SFPQ: variants seen among roughly 807,000 people sequenced by gnomAD.
SFPQ encodes the protein splicing factor proline and glutamine rich.
Under a neutral mutation model 72.9 loss-of-function variants are expected in SFPQ, and 11 were observed. The ratio of observed to expected loss-of-function variants is 0.15; its 90% confidence interval spans 0.09 to 0.25. The LOEUF (loss-of-function observed/expected upper bound fraction) is 0.25, where lower values mean the gene tolerates loss of function less well. Ranked by LOEUF, SFPQ falls within the 10% of genes least tolerant of loss-of-function variation. The pLI is 1.00. For missense variants in SFPQ, 847 were observed against 993.3 expected, an observed-to-expected ratio of 0.85 and a Z score of 1.98; for synonymous variants, 506 against 367.3, an observed-to-expected ratio of 1.38 and a Z score of -4.32.
rs1243229842 is a variant in SFPQ, at chr1:35,189,201, T to C, written c.1597A>G (p.Asn533Asp). The C allele has an allele frequency of 2.5e-6, 4 of 1,613,922 alleles. No homozygotes were observed. The highest frequency in any genetic ancestry group is 1.3e-5 in the African/African-American group (1 of 74,894). Residue 533 changes from asparagine to aspartate, a missense_variant, in exon 5 of 10, where the codon AAT (asparagine) becomes GAT (aspartate). Asn to Asp is a conservative substitution (Grantham distance 23, BLOSUM62 1). This residue lies in a region of SFPQ where 132 missense variants were observed against 255.4 expected (regional missense o/e 0.52). Coordinates refer to ENST00000357214, the MANE Select transcript of SFPQ (RefSeq NM_005066.3). ...MEDAYHEHQA[N>D]LLRQDLMRRQ... is the part of the protein sequence containing the mutation. ...GTCTTTTTACCTTGGCGCAAAAGAT[T>C]TGCCTGATGTTCATGATAGGCATCT... is the stretch of plus-strand genomic sequence containing the variant.
At chr1:35,176,688 T>G (rs1639251586) in intron 5 of SFPQ, among the ~76,000 whole-genome samples, 1 of 150,068 alleles carries the variant, frequency 6.7e-6, no homozygotes. Flanking sequence ...GCTAACATGG[T>G]GAAACTCTGT....
At chr1:35,187,870 A>G in intron 7 of SFPQ, 103 bp downstream of exon 7, 1 of 734,826 alleles carries the variant, frequency 1.4e-6, no homozygotes, top group Non-Finnish European at 2.4e-6. Flanking sequence ...GAAAAAAAGC[A>G]GAAAATAACT....
downstream of SFPQ, chr1:35,177,938 T>G (rs192317052): frequency 3.8e-4 from 333 of 882,724 alleles, 1 homozygote; most frequent in African/African-American, 5.6e-3. Flanking sequence ...TGAAATTATT[T>G]AAATCAAACT....
At chr1:35,191,060 A>ATAG in intron 2 of SFPQ, 65 bp from the exon 3 acceptor site, 1 of 1,381,876 alleles carries the variant, frequency 7.2e-7, no homozygotes, top group Non-Finnish European at 1.0e-6. Flanking sequence ...TTAAATTGTC[A>ATAG]TAGGCCTACT....
rs753216264 is a variant in SFPQ, at chr1:35,191,615, A to G, written c.829-86T>C. ...GATAGTATTTGCTTATCTGAAACCT[A>G]TCAGTTGCCTTTCTGTTCCGTTTGG... On this transcript the variant is annotated intron_variant, in intron 1 of 9. Coordinates refer to ENST00000357214, the MANE Select transcript of SFPQ (RefSeq NM_005066.3). 5.0e-4 allele frequency: 510 copies of G among 1,012,492 alleles called. 1 individual carries two copies. The highest frequency in any genetic ancestry group is 4.6e-4 in the Admixed American group (18 of 39,140). The allele number at this position is 1,012,492 out of a possible 1,614,324, so 62.7% of individuals were successfully genotyped here. A position where few individuals can be genotyped will look rare whatever the true frequency, so the allele number is the denominator to read the frequency against.
At chr1:35,189,487 C>A (rs1442043245) in intron 4 of SFPQ, 105 bp from the exon 5 acceptor site, 2 of 865,548 alleles carry the variant, frequency 2.3e-6, no homozygotes, top group South Asian at 2.0e-5. Context: ...GTAAAGAGTA[C>A]AAAAGGCAAA....
intron 1 of SFPQ, 116 bp downstream of exon 1, chr1:35,192,106 C>T: frequency 1.1e-6 from 1 of 869,656 alleles, no homozygotes; most frequent in Non-Finnish European, 1.5e-6. Context: ...CGCAGCGGCG[C>T]GCGCAAGCGC....
chr1:35,179,745 C>T (rs1639390529), downstream of SFPQ: 9 of 1,055,922 alleles, frequency 8.5e-6, no homozygotes, highest in Non-Finnish European at 1.0e-5. Context: ...TTCCTGAAGT[C>T]CATATATTAT....
At chr1:35,180,143 T>C, downstream of SFPQ, 1 of 1,049,580 alleles carries the variant, frequency 9.5e-7, no homozygotes, top group Non-Finnish European at 1.2e-6. Flanking sequence ...GTCATGAAGT[T>C]TTCATCAGCA....
At chr1:35,185,439 G>A (rs575735056) in intron 9 of SFPQ, among the ~76,000 whole-genome samples, 65 of 152,246 alleles carry the variant, frequency 4.3e-4, no homozygotes, top group Non-Finnish European at 7.2e-4. Flanking sequence ...AGTGAAACAC[G>A]AAGCTAAAGT....
In SFPQ at chr1:35,191,535, G is replaced by A; in HGVS notation, c.829-6C>T. On this transcript the variant is annotated splice_polypyrimidine_tract_variant and splice_region_variant and intron_variant, in intron 1 of 9. Transcript: ENST00000357214. Reference sequence around the variant, plus strand: ...GACAAATTGGCTTTAAACCCCTAATGAAAAAGGAAAGAAGTTTTCAAACAC... The same window carrying A: ...GACAAATTGGCTTTAAACCCCTAATAAAAAAGGAAAGAAGTTTTCAAACAC... 1 of 1,600,868 alleles carries A rather than the reference G, an allele frequency of 6.2e-7. No homozygotes were observed. Among genetic ancestry groups the A allele is most frequent in the African/African-American group, 1.4e-5 (1 of 73,854 alleles).
rs1259184729 is a variant in SFPQ, at chr1:35,192,805, G to C, written c.245C>G (p.Pro82Arg). 1.3e-6 allele frequency: 2 copies of C among 1,502,826 alleles called. No individual in the cohort carries two copies. Among genetic ancestry groups the C allele is most frequent in the African/African-American group, 1.5e-5 (1 of 68,944 alleles). 93.1% of individuals were successfully genotyped at this position (1,502,826 alleles called of 1,614,324 possible). ...ATGCGGCGGCGGCTGATGCGGTGGC[G>C]GCTGCTGCGGCGGTGGCTGCTGCGG... ...PPPQQPPPQQ[P>R]PPHQPPPHPQ... Residue 82 changes from proline to arginine, a missense_variant, in exon 1 of 10, where the codon CCG becomes CGG. This residue lies in a region of SFPQ where 498 missense variants were observed against 405.1 expected (regional missense o/e 1.23). Coordinates refer to ENST00000357214, the MANE Select transcript of SFPQ (RefSeq NM_005066.3).
downstream of SFPQ, chr1:35,182,664 C>A: frequency 1.0e-6 from 1 of 985,290 alleles, no homozygotes; most frequent in African/African-American, 1.7e-5. Flanking sequence ...CCAATTAGCA[C>A]CAAGAAAAGA....
Position 35,184,213 on chromosome 1 carries a change from CTT to C in SFPQ, c.*241_*242del. On this transcript the variant is annotated 3_prime_UTR_variant, in exon 10 of 10. Coordinates refer to ENST00000357214, the MANE Select transcript of SFPQ (RefSeq NM_005066.3). ...GTGGCACAAGGTACACTGCCATAAA[CTT>C]GAGGGACATTATACAGTAAAAAAGA... 8.1e-7 allele frequency: 1 copy of C among 1,239,014 alleles called. No homozygotes were observed. Among genetic ancestry groups the C allele is most frequent in the Non-Finnish European group, 1.0e-6 (1 of 994,456 alleles). The allele number at this position is 1,239,014 out of a possible 1,614,324, so 76.8% of individuals were successfully genotyped here.
chr1:35,192,826 T>C lies in SFPQ; in HGVS notation c.224A>G (p.Gln75Arg). 6.6e-7 allele frequency: 1 copy of C among 1,513,892 alleles called. No homozygotes were observed. The highest frequency in any genetic ancestry group is 8.8e-7 in the Non-Finnish European group (1 of 1,137,776). The allele number at this position is 1,513,892 out of a possible 1,614,324, so 93.8% of individuals were successfully genotyped here. Residue 75 changes from glutamine (Q) to arginine (R), a missense_variant, in exon 1 of 10, where the codon CAG becomes CGG. Coordinates refer to ENST00000357214, the MANE Select transcript of SFPQ (RefSeq NM_005066.3). ...PHQQQQQPPP[Q>R]QPPPQQPPPH... The stretch of plus-strand genomic sequence containing the variant: ...TGGCGGCTGCTGCGGCGGTGGCTGC[T>C]GCGGTGGTGGCTGTTGCTGCTGTTG...
downstream of SFPQ, chr1:35,182,893 A>T (rs1639529603): frequency 9.6e-7 from 1 of 1,044,504 alleles, no homozygotes; most frequent in East Asian, 5.7e-5. Flanking sequence ...TTCTAATGGA[A>T]GGGGGTTCAA....
chr1:35,192,747 T>C lies in SFPQ; in HGVS notation c.303A>G (p.Pro101=). The change falls in exon 1 of 10, where the codon CCA becomes CCG. Residue 101 remains proline, a synonymous_variant. Transcript: ENST00000357214. ...PQPHQQQQPP[P]PPQDSSKPVV... is the part of the protein sequence containing the mutation. ...CGGGCTTGGAAGAGTCCTGCGGCGG[T>C]GGCGGCGGCTGCTGCTGCTGATGCG... The C allele has an allele frequency of 6.7e-7, 1 of 1,493,864 alleles. No homozygotes were observed. The highest frequency in any genetic ancestry group is 2.7e-5 in the East Asian group (1 of 36,942). The allele number at this position is 1,493,864 out of a possible 1,614,324, so 92.5% of individuals were successfully genotyped here.
chr1:35,178,242 A>C (rs1344092886), downstream of SFPQ: 1 of 1,099,870 alleles, frequency 9.1e-7, no homozygotes, highest in Non-Finnish European at 1.1e-6. Context: ...CACCTGAATT[A>C]GAATGAAAAC....
chr1:35,179,971 T>C (rs1639398918), downstream of SFPQ: 3 of 1,053,194 alleles, frequency 2.8e-6, no homozygotes, highest in Non-Finnish European at 3.4e-6. Context: ...ATTGTTGATA[T>C]GCAGAGGCTA....
Sources: allele counts gnomAD v4.1 joint callset (sites outside exome capture counted in the v4.1 genomes callset), GRCh38; gene constraint gnomAD v4.1.1; regional missense constraint gnomAD v4.1.1; transcripts MANE v1.5; gene names NCBI Gene and HGNC (gene_info 2026-07-23, HGNC 2026-07-21).